SNX10: variants seen among roughly 807,000 people sequenced by gnomAD.
SNX10 encodes the protein sorting nexin-10.
Under a neutral mutation model 28.5 loss-of-function variants are expected in SNX10, and 25 were observed. That is an observed-to-expected ratio of 0.88 (90% CI 0.64 to 1.22). The LOEUF (loss-of-function observed/expected upper bound fraction) is 1.22, where lower values mean the gene tolerates loss of function less well. SNX10 is among the 50% of genes most tolerant of loss of function. SNX10 has a pLI of 0.00. For synonymous variants in SNX10, 62 were observed against 81.4 expected (o/e 0.76, Z 1.28); for missense variants, 223 against 242.6 (o/e 0.92, Z 0.54).
intron 2 of SNX10, among the ~76,000 whole-genome samples, chr7:26,353,064 G>A (rs1451833570): frequency 6.6e-6 from 1 of 152,054 alleles, no homozygotes. Context: ...TACTACTTGT[G>A]TAAAGAAACT....
intron 2 of SNX10, among the ~76,000 whole-genome samples, chr7:26,353,477 C>G (rs1313010543): frequency 1.9e-5 from 2 of 107,376 alleles, no homozygotes; most frequent in Non-Finnish European, 1.7e-5. Flanking sequence ...GAGACAGAGT[C>G]TTGGTCTGTC....
chr7:26,342,282 C>T (rs765202050), intron 1 of SNX10, among the ~76,000 whole-genome samples: 9 of 152,184 alleles, frequency 5.9e-5, no homozygotes, highest in Non-Finnish European at 1.0e-4. Context: ...CTGCCTAGGC[C>T]TCCCAAAGTG....
intron 1 of SNX10, among the ~76,000 whole-genome samples, chr7:26,305,894 A>C (rs531429720): frequency 4.5e-4 from 69 of 152,156 alleles, no homozygotes; most frequent in African/African-American, 1.6e-3. Flanking sequence ...GTTATTTTAA[A>C]AATTATTTAT....
In SNX10 at chr7:26,292,349, A is replaced by T. The variant is rs964102073; in HGVS notation, c.-24+263A>T. On this transcript the variant is annotated intron_variant, in intron 1 of 6. Coordinates refer to ENST00000338523, the MANE Select transcript of SNX10 (RefSeq NM_013322.3). ...GATCCAGGGATTCTTGGCTAAAAAG[A>T]CACCCCGGGGAGAGGGTGGGGCAGA... Among the ~76,000 whole-genome samples the T allele has an allele frequency of 5.9e-5, 9 of 152,092 alleles. No homozygotes were observed. The South Asian group carries it at 1.9e-3, about 32-fold the overall frequency.
At chr7:26,356,998 T>A (rs1788848895) in intron 2 of SNX10, 4 of 1,057,942 alleles carry the variant, frequency 3.8e-6, no homozygotes, top group Non-Finnish European at 4.9e-6. Flanking sequence ...AGTTTGTTTA[T>A]TCCTACAGGC....
rs35527687 is a variant in SNX10 at position 26,358,805 on chromosome 7, G to GTTTTTTTTTTT, written c.25-2161_25-2151dup. Among the ~76,000 whole-genome samples, 304 of 100,064 alleles carry GTTTTTTTTTTT rather than the reference G, an allele frequency of 3.0e-3. 35 individuals are homozygous for GTTTTTTTTTTT. The highest frequency in any genetic ancestry group is 0.011 in the African/African-American group (240 of 22,656). The allele number at this position is 100,064 out of a possible 152,430, so 65.6% of individuals were successfully genotyped here. ...GAGCATCACTATAGTGTTATCTTGT[G>GTTTTTTTTTTT]TTTTTTTTTTTTTTTTTTTGACCAA... On this transcript the variant is annotated intron_variant, in intron 2 of 6. Coordinates refer to ENST00000338523, the MANE Select transcript of SNX10 (RefSeq NM_013322.3).
At position 26,373,892 on chromosome 7, in the gene SNX10, G is replaced by A. The variant is rs376300403; in HGVS notation, c.*1320G>A. The stretch of plus-strand genomic sequence containing the variant: ...CAATGCTTGTTTCAAAGAACCAACA[G>A]AAAAAAAAGCTAAGAAAACTGAGAA... On this transcript the variant is annotated 3_prime_UTR_variant, in exon 7 of 7. Transcript: ENST00000338523. This position sits in a 1 kb window ranked among gnomAD's most constrained non-coding sequence, Gnocchi z 4.2. The A allele has an allele frequency of 2.6e-5, 4 of 151,018 alleles. No homozygotes were observed. The South Asian group carries it at 6.3e-4, about 24-fold the overall frequency. 9.4% of individuals were successfully genotyped at this position (151,018 alleles called of 1,614,324 possible). A position where few individuals can be genotyped will look rare whatever the true frequency, so the allele number is the denominator to read the frequency against.
chr7:26,306,172 G>A (rs1786586274), intron 1 of SNX10, among the ~76,000 whole-genome samples: 1 of 151,788 alleles, frequency 6.6e-6, no homozygotes, highest in South Asian at 2.1e-4. Context: ...CCAAAGTGCT[G>A]GGATTGCAGA....
chr7:26,323,903 TCC>T (rs1382310270), intron 1 of SNX10, among the ~76,000 whole-genome samples: 5 of 152,294 alleles, frequency 3.3e-5, no homozygotes, highest in Admixed American at 6.5e-5. Context: ...AAATCAGTGC[TCC>T]GTAAATAAGG....
chr7:26,326,426 C>T (rs963931409), intron 1 of SNX10, among the ~76,000 whole-genome samples: 3 of 152,350 alleles, frequency 2.0e-5, no homozygotes, highest in Admixed American at 6.5e-5. Flanking sequence ...CAGTGAATCA[C>T]TTCCTGATCC....
At chr7:26,319,209 C>T (rs115643204) in intron 1 of SNX10, among the ~76,000 whole-genome samples, 1,626 of 152,304 alleles carry the variant, frequency 0.011, 30 homozygotes, top group African/African-American at 0.037. Flanking sequence ...AATCAGTAGA[C>T]GTAGATATTG....
At chr7:26,367,259 A>T (rs1329405759) in intron 5 of SNX10, among the ~76,000 whole-genome samples, 3 of 152,160 alleles carry the variant, frequency 2.0e-5, no homozygotes, top group African/African-American at 7.2e-5. Context: ...CCACGGACAT[A>T]GGACTGCACA....
At chr7:26,346,886 C>G (rs3757666) in intron 2 of SNX10, among the ~76,000 whole-genome samples, 60,572 of 152,148 alleles carry the variant, frequency 0.4, 12,574 homozygotes, top group South Asian at 0.63. Context: ...TCATACAACA[C>G]TGGCAAAACT....
intron 1 of SNX10, among the ~76,000 whole-genome samples, chr7:26,325,328 T>TATATATATATATATATA (rs56716262): frequency 8.1e-4 from 100 of 123,022 alleles, no homozygotes; most frequent in East Asian, 1.7e-3. Context: ...TATATATATA[T>TATATATATATATATATA]TTGAGATGGA....
intron 1 of SNX10, among the ~76,000 whole-genome samples, chr7:26,337,355 G>A (rs550429003): frequency 3.3e-5 from 5 of 152,212 alleles, no homozygotes; most frequent in African/African-American, 4.8e-5. Flanking sequence ...CTTCAGTAGC[G>A]TTAAGTGTAT....
rs561810544 is a variant in SNX10, at chr7:26,318,455, T to C, written c.-24+26369T>C. Among the ~76,000 whole-genome samples, 17 of 152,258 alleles carry C rather than the reference T, an allele frequency of 1.1e-4. No individual in the cohort carries two copies. In the South Asian group the frequency reaches 3.5e-3, roughly 32 times the overall value. On this transcript the variant is annotated intron_variant, in intron 1 of 6. Transcript: ENST00000338523. ...GTACCAATAATTCAGCCAGTGGTCA[T>C]ACTTATTTATTATTGTTATTATTAT...
chr7:26,296,687 T>C (rs1337483674), intron 1 of SNX10, among the ~76,000 whole-genome samples: 2 of 152,084 alleles, frequency 1.3e-5, no homozygotes, highest in Non-Finnish European at 2.9e-5. Flanking sequence ...AAAAAGAATA[T>C]TGAGGAGAGG....
intron 1 of SNX10, among the ~76,000 whole-genome samples, chr7:26,295,557 T>C (rs1426564173): frequency 6.6e-6 from 1 of 152,198 alleles, no homozygotes; most frequent in Non-Finnish European, 1.5e-5. Context: ...ACACAGCTAA[T>C]TAGAGGTAAA....
intron 1 of SNX10, among the ~76,000 whole-genome samples, chr7:26,345,644 C>T (rs1322746690): frequency 3.9e-5 from 6 of 152,166 alleles, no homozygotes; most frequent in East Asian, 1.9e-4. Context: ...AATAGGGACC[C>T]GGAAAGTGGG....
Sources: gnomAD v4.1 joint callset for allele counts (sites outside exome capture counted in the v4.1 genomes callset) on GRCh38, gnomAD v4.1.1 for gene constraint, Gnocchi (gnomAD v3.1) non-coding constraint, MANE v1.5 for transcripts, NCBI Gene and HGNC (gene_info 2026-07-23, HGNC 2026-07-21) for gene names.